RBMS1: variants seen among roughly 807,000 people sequenced by gnomAD.
RBMS1 encodes the protein RNA binding motif single stranded interacting protein 1, also known as RNA-binding motif, single-stranded-interacting protein 1.
RBMS1 carries 17 observed loss-of-function variants against 62.3 expected under a neutral mutation model. The ratio of observed to expected loss-of-function variants is 0.27; its 90% CI spans 0.19 to 0.41. RBMS1 has a LOEUF of 0.41. Among genes scored for constraint, RBMS1 ranks in the 10% least tolerant of loss-of-function variants. The pLI, the probability that RBMS1 is intolerant of heterozygous loss-of-function variation, is 1.00. For missense variants in RBMS1, 334 were observed against 504.5 expected (o/e 0.66, Z 3.24); for synonymous variants, 172 against 170.0 (o/e 1.01, Z -0.09).
intron 1 of RBMS1, among the ~76,000 whole-genome samples, chr2:160,484,914 G>C (rs1365258273): frequency 6.6e-6 from 1 of 151,902 alleles, no homozygotes; most frequent in Non-Finnish European, 1.5e-5. Context: ...ACCAGGAAAA[G>C]GTAAAAAGAG....
chr2:160,431,064 C>T (rs193276070), intron 1 of RBMS1, among the ~76,000 whole-genome samples: 16 of 149,092 alleles, frequency 1.1e-4, no homozygotes, highest in East Asian at 1.0e-3. Context: ...AGTGTTCTTG[C>T]GGGGAGTTGT....
At chr2:160,406,022 A>G (rs1695685569) in intron 1 of RBMS1, among the ~76,000 whole-genome samples, 1 of 152,212 alleles carries the variant, frequency 6.6e-6, no homozygotes, top group South Asian at 2.1e-4. Flanking sequence ...GCCACATGAA[A>G]TGACTTCGAG....
intron 1 of RBMS1, among the ~76,000 whole-genome samples, chr2:160,476,765 G>A (rs535177061): frequency 2.0e-3 from 299 of 151,662 alleles, no homozygotes; most frequent in Middle Eastern, 3.4e-3. Flanking sequence ...CGTTTTAGCC[G>A]GGATGGTCTC....
chr2:160,345,623 T>C (rs574577955), intron 2 of RBMS1, among the ~76,000 whole-genome samples: 1 of 152,312 alleles, frequency 6.6e-6, no homozygotes, highest in East Asian at 1.9e-4. Flanking sequence ...CCAAGTCATA[T>C]GCTTTGTCTT....
chr2:160,400,366 G>A (rs1380645476), intron 1 of RBMS1, among the ~76,000 whole-genome samples: 1 of 149,042 alleles, frequency 6.7e-6, no homozygotes, highest in Non-Finnish European at 1.5e-5. Flanking sequence ...ACATATATAT[G>A]AGGAAAAAAA....
intron 1 of RBMS1, among the ~76,000 whole-genome samples, chr2:160,485,142 C>G (rs1488458961): frequency 6.6e-6 from 1 of 152,066 alleles, no homozygotes; most frequent in African/African-American, 2.4e-5. Context: ...GAAAAGGGAA[C>G]GAGTTTATCT....
chr2:160,472,781 A>G (rs1246032436), intron 1 of RBMS1, among the ~76,000 whole-genome samples: 2 of 152,340 alleles, frequency 1.3e-5, no homozygotes, highest in East Asian at 3.9e-4. Flanking sequence ...ATTCTCATTC[A>G]GTGATCCTTT....
intron 1 of RBMS1, among the ~76,000 whole-genome samples, chr2:160,430,237 AT>A (rs999144396): frequency 6.6e-6 from 1 of 152,196 alleles, no homozygotes; most frequent in African/African-American, 2.4e-5. Flanking sequence ...ATTTTAAGTC[AT>A]TTTTAAGTTT....
chr2:160,421,217 A>G (rs994727348), intron 1 of RBMS1, among the ~76,000 whole-genome samples: 10 of 151,814 alleles, frequency 6.6e-5, no homozygotes, highest in African/African-American at 2.4e-4. Flanking sequence ...ACATATATAT[A>G]CCTGTGCCCT....
At chr2:160,311,228 C>CTATATATATATA (rs1252861710) in intron 4 of RBMS1, among the ~76,000 whole-genome samples, 30 of 95,898 alleles carry the variant, frequency 3.1e-4, no homozygotes, top group Non-Finnish European at 3.8e-4. Context: ...ATCTATCTAT[C>CTATATATATATA]TATCTATATA....
intron 1 of RBMS1, among the ~76,000 whole-genome samples, chr2:160,446,472 T>A (rs1461142473): frequency 6.6e-6 from 1 of 152,226 alleles, no homozygotes; most frequent in Non-Finnish European, 1.5e-5. Context: ...TTACTTGCGA[T>A]CCTTTCTGAC....
intron 1 of RBMS1, among the ~76,000 whole-genome samples, chr2:160,433,191 A>C (rs1682969316): frequency 6.6e-6 from 1 of 152,218 alleles, no homozygotes; most frequent in African/African-American, 2.4e-5. Flanking sequence ...AGACAGGTGG[A>C]TCGCTTGGGC....
intron 1 of RBMS1, among the ~76,000 whole-genome samples, chr2:160,369,076 G>C (rs774901406): frequency 2.0e-5 from 3 of 152,168 alleles, no homozygotes; most frequent in Non-Finnish European, 4.4e-5. Context: ...TTTAGAAGGA[G>C]AGCAGCAAAG....
chr2:160,337,975 A>G (rs1245973501), intron 2 of RBMS1, among the ~76,000 whole-genome samples: 2 of 152,162 alleles, frequency 1.3e-5, no homozygotes, highest in East Asian at 3.9e-4. Context: ...AATGCCCACA[A>G]TCGTACATGG....
At chr2:160,378,456 G>GA (rs913918357) in intron 1 of RBMS1, among the ~76,000 whole-genome samples, 8 of 150,894 alleles carry the variant, frequency 5.3e-5, no homozygotes, top group South Asian at 4.2e-4. Context: ...ATACAAAAAG[G>GA]AAAAAAAAAT....
chr2:160,367,428 A>T (rs781090747), intron 1 of RBMS1, 37 bp from the exon 2 acceptor site: 2 of 1,609,242 alleles, frequency 1.2e-6, no homozygotes, highest in African/African-American at 2.7e-5. Context: ...GTATGCTAGC[A>T]TTAGGAGGCT....
intron 1 of RBMS1, among the ~76,000 whole-genome samples, chr2:160,373,574 A>C (rs1354866487): frequency 6.6e-6 from 1 of 152,230 alleles, no homozygotes; most frequent in African/African-American, 2.4e-5. Context: ...CAGGAAACAC[A>C]CAAGAGTTTT....
rs1261532214 is a variant in RBMS1, at chr2:160,274,131, T to C, written c.*641A>G. On this transcript the variant is annotated 3_prime_UTR_variant, in exon 14 of 14. Coordinates refer to ENST00000348849, the MANE Select transcript of RBMS1 (RefSeq NM_016836.4). The stretch of plus-strand genomic sequence containing the variant: ...TACATCATTAGTTTGAACTAACTTT[T>C]ACTGAAACAGCTACAGCATCAAAAG... The C allele has an allele frequency of 2.6e-5, 4 of 152,796 alleles. No homozygotes were observed. The highest frequency in any genetic ancestry group is 4.1e-4 in the South Asian group (2 of 4,832). The allele number at this position is 152,796 out of a possible 1,614,324, so 9.5% of individuals were successfully genotyped here.
intron 1 of RBMS1, among the ~76,000 whole-genome samples, chr2:160,463,453 G>A (rs1195355993): frequency 3.3e-5 from 5 of 152,140 alleles, no homozygotes; most frequent in Admixed American, 2.6e-4. Flanking sequence ...GTGAGCCACC[G>A]GCCCTTTCAG....
Sources: allele counts gnomAD v4.1 joint callset (sites outside exome capture counted in the v4.1 genomes callset), GRCh38; gene constraint gnomAD v4.1.1; transcripts MANE v1.5; gene names NCBI Gene and HGNC (gene_info 2026-07-23, HGNC 2026-07-21).